Variants in UMODL1 observed in about 807,000 individuals in gnomAD.
UMODL1 encodes uromodulin like 1.
In UMODL1, 128 loss-of-function variants were observed where a neutral mutation model predicts 136.3. That is an observed-to-expected ratio of 0.94 (90% CI 0.81 to 1.09). UMODL1 has a LOEUF of 1.09. Ranked by LOEUF, UMODL1 falls within the 50% of genes least tolerant of loss-of-function variation. The pLI is 0.00. For missense variants in UMODL1, 1,766 were observed against 1,725.6 expected, an observed-to-expected ratio of 1.02 and a Z score of -0.41; for synonymous variants, 721 against 720.0, an observed-to-expected ratio of 1.00 and a Z score of -0.02.
At chr21:42,070,840 G>A (rs2066223272), upstream of UMODL1, among the ~76,000 whole-genome samples, 1 of 152,250 alleles carries the variant, frequency 6.6e-6, no homozygotes, top group African/African-American at 2.4e-5. Context: ...GAAGTGCATT[G>A]TGGAACCGTG....
chr21:42,095,042 G>A (rs1438569295), intron 6 of UMODL1, among the ~76,000 whole-genome samples: 2 of 149,188 alleles, frequency 1.3e-5, no homozygotes, highest in Middle Eastern at 3.6e-3. Context: ...GGTGGCTGCC[G>A]GCATTCCTTG....
In UMODL1 at chr21:42,113,730, G is replaced by C; in HGVS notation, c.2262G>C (p.Val754=). The C allele has an allele frequency of 6.2e-7, 1 of 1,614,102 alleles. No homozygotes were observed. The highest frequency in any genetic ancestry group is 8.5e-7 in the Non-Finnish European group (1 of 1,180,020). ...AVVLETWNTS[V]TLSGLEPGVL... is the part of the protein sequence containing the mutation. Reference sequence around the variant, plus strand: ...TCCTAGAGACCTGGAACACGAGTGTGACACTGTCGGGGCTGGAGCCTGGGG... The same window carrying C: ...TCCTAGAGACCTGGAACACGAGTGTCACACTGTCGGGGCTGGAGCCTGGGG... Residue 754 remains valine, a synonymous_variant, in exon 13 of 23, where the codon GTG becomes GTC. Coordinates refer to ENST00000408910, the MANE Select transcript of UMODL1 (RefSeq NM_001004416.3).
rs753923139 is a variant in UMODL1, at chr21:42,098,934, C to G, written c.940C>G (p.Pro314Ala). ...KLNLEWEDCP[P>A]VSDYVVLNVT... ...TGTCTGTGCTTTCGTAGATTGTCCTCCAGTCAGTGACTACGTGGTCCTCAA... is the reference window on the plus strand; with the variant it reads ...TGTCTGTGCTTTCGTAGATTGTCCTGCAGTCAGTGACTACGTGGTCCTCAA... Residue 314 changes from proline (P) to alanine (A), a missense_variant, in exon 7 of 23, where the codon CCA (proline) becomes GCA (alanine). Physicochemically the swap from Pro to Ala is conservative, Grantham distance 27. Coordinates refer to ENST00000408910, the MANE Select transcript of UMODL1 (RefSeq NM_001004416.3). 6.8e-6 allele frequency: 11 copies of G among 1,614,174 alleles called. No homozygotes were observed. The highest frequency in any genetic ancestry group is 6.7e-5 in the East Asian group (3 of 44,880).
chr21:42,096,841 CA>C (rs1305231005), intron 6 of UMODL1, among the ~76,000 whole-genome samples: 1 of 152,186 alleles, frequency 6.6e-6, no homozygotes, highest in African/African-American at 2.4e-5. Flanking sequence ...CCTGACTGTA[CA>C]AAAATAGAAC....
chr21:42,072,743 GA>G (rs1437954278), intron 1 of UMODL1, among the ~76,000 whole-genome samples: 4 of 152,216 alleles, frequency 2.6e-5, no homozygotes, highest in Non-Finnish European at 4.4e-5. Context: ...AGGGGTTTGT[GA>G]GCCTGGGTGT....
At chr21:42,140,285 G>A (rs2156308) in intron 22 of UMODL1, among the ~76,000 whole-genome samples, 3,139 of 151,558 alleles carry the variant, frequency 0.021, 50 homozygotes, top group Non-Finnish European at 0.028. Flanking sequence ...GGAATCCAGG[G>A]CAGAAAGGGA....
intron 14 of UMODL1, among the ~76,000 whole-genome samples, chr21:42,118,575 T>C (rs73373617): frequency 1.1e-3 from 169 of 152,244 alleles, no homozygotes; most frequent in African/African-American, 3.8e-3. Context: ...CCCCCTGTCC[T>C]AATGGGGAAG....
At chr21:42,076,543 G>T (rs2066293803) in intron 2 of UMODL1, among the ~76,000 whole-genome samples, 1 of 152,158 alleles carries the variant, frequency 6.6e-6, no homozygotes, top group African/African-American at 2.4e-5. Flanking sequence ...TTCTCAGAGG[G>T]CTCCTGGATG....
chr21:42,114,245 T>C (rs1427461049), intron 13 of UMODL1, among the ~76,000 whole-genome samples: 3 of 152,236 alleles, frequency 2.0e-5, no homozygotes, highest in African/African-American at 7.2e-5. Context: ...GTCACATGGA[T>C]GATCTGTGAG....
chr21:42,063,656 C>A (rs2066159424), intron 1 of UMODL1, among the ~76,000 whole-genome samples: 1 of 152,212 alleles, frequency 6.6e-6, no homozygotes, highest in Non-Finnish European at 1.5e-5. Context: ...AGGAATCCCT[C>A]CCTCTAAGAC....
Position 42,119,432 on chromosome 21 carries a change from C to A in UMODL1, c.2689+108C>A, listed in dbSNP as rs1465017692. The A allele has an allele frequency of 3.2e-6, 3 of 930,516 alleles. 1 individual carries two copies. Among genetic ancestry groups the A allele is most frequent in the South Asian group, 3.0e-5 (2 of 67,000 alleles). 57.6% of individuals were successfully genotyped at this position (930,516 alleles called of 1,614,324 possible). A position where few individuals can be genotyped will look rare whatever the true frequency, so the allele number is the denominator to read the frequency against. The stretch of plus-strand genomic sequence containing the variant: ...AGATGTCGTGTTGTGCCCATGTGGT[C>A]CTTCTTCCCCCAGAATTAGATGAAG... On this transcript the variant is annotated intron_variant, in intron 15 of 22. Coordinates refer to ENST00000408910, the MANE Select transcript of UMODL1 (RefSeq NM_001004416.3).
Position 42,090,353 on chromosome 21 carries a change from C to G in UMODL1, c.846C>G (p.Cys282Trp). 12 of 1,614,112 alleles carry G rather than the reference C, an allele frequency of 7.4e-6. 1 individual carries two copies. Among genetic ancestry groups the G allele is most frequent in the Non-Finnish European group, 1.0e-5 (12 of 1,180,030 alleles). The change falls in exon 6 of 23, where the codon TGC (cysteine) becomes TGG (tryptophan). Residue 282 changes from cysteine (C) to tryptophan (W), a missense_variant. Coordinates refer to ENST00000408910, the MANE Select transcript of UMODL1 (RefSeq NM_001004416.3). Reference sequence around the variant, plus strand: ...ATGCCTGCTCTGGAAGGGAACTGTGCGCAAACCTGGAGGGCTCGTACTGGT... The same window carrying G: ...ATGCCTGCTCTGGAAGGGAACTGTGGGCAAACCTGGAGGGCTCGTACTGGT... ...ELNACSGREL[C>W]ANLEGSYWCV...
chr21:42,128,896 C>T (rs998394998), intron 20 of UMODL1, among the ~76,000 whole-genome samples: 2 of 152,180 alleles, frequency 1.3e-5, no homozygotes, highest in Admixed American at 6.5e-5. Flanking sequence ...AACTGAGCGG[C>T]TTAAACAGTG....
rs1334281334 is a variant in UMODL1, at chr21:42,088,490, C to T, written c.790+10C>T. 3 of 1,587,804 alleles carry T rather than the reference C, an allele frequency of 1.9e-6. No individual in the cohort carries two copies. The highest frequency in any genetic ancestry group is 4.5e-5 in the East Asian group (2 of 44,170). On this transcript the variant is annotated intron_variant, in intron 5 of 22. Transcript: ENST00000408910. Reference sequence around the variant, plus strand: ...AGCGTCCAGGTGCAAGGTTGGGCTTCCCTCAATCCTCCCTCTGGGGAGGCT... The same window carrying T: ...AGCGTCCAGGTGCAAGGTTGGGCTTTCCTCAATCCTCCCTCTGGGGAGGCT...
In UMODL1 at chr21:42,099,144, G is replaced by A. The variant is rs200027906; in HGVS notation, c.1150G>A (p.Gly384Arg). The change falls in exon 7 of 23, where the codon GGG (glycine) becomes AGG (arginine). Residue 384 changes from glycine to arginine, a missense_variant. Gly to Arg is a moderately radical substitution (Grantham distance 125). Coordinates refer to ENST00000408910, the MANE Select transcript of UMODL1 (RefSeq NM_001004416.3). The surrounding 1 kb of genome is among the most constrained non-coding windows in gnomAD (Gnocchi z 4.1). ...YRVKTSYQGC[G>R]ADVSTTLTIK... ...GGTGAAGACCAGCTACCAGGGGTGCGGGGCCGACGTCTCCACCACGCTGAC... is the reference window on the plus strand; with the variant it reads ...GGTGAAGACCAGCTACCAGGGGTGCAGGGCCGACGTCTCCACCACGCTGAC... 2.5e-4 allele frequency: 406 copies of A among 1,613,394 alleles called. 1 individual carries two copies. The African/African-American group carries it at 4.5e-3, about 18-fold the overall frequency.
intron 2 of UMODL1, among the ~76,000 whole-genome samples, chr21:42,078,052 G>C (rs2066316149): frequency 6.6e-6 from 1 of 152,200 alleles, no homozygotes; most frequent in Non-Finnish European, 1.5e-5. Flanking sequence ...GGGCCTGATG[G>C]TTTCGGGTGT....
chr21:42,127,327 C>A, intron 19 of UMODL1, 85 bp downstream of exon 19: 1 of 1,287,568 alleles, frequency 7.8e-7, no homozygotes, highest in Non-Finnish European at 1.1e-6. Context: ...TGCAGACATC[C>A]CCATCCAGCA....
chr21:42,106,543 C>T (rs568396508), intron 9 of UMODL1, among the ~76,000 whole-genome samples: 5 of 152,262 alleles, frequency 3.3e-5, no homozygotes, highest in South Asian at 2.1e-4. Flanking sequence ...CTTATCTTTA[C>T]CCTTAGGCCG....
chr21:42,099,146 G>T lies in UMODL1; in HGVS notation c.1152G>T (p.Gly384=), dbSNP rs955342893. 2 of 1,613,278 alleles carry T rather than the reference G, an allele frequency of 1.2e-6. No homozygotes were observed. Among genetic ancestry groups the T allele is most frequent in the Non-Finnish European group, 1.7e-6 (2 of 1,180,026 alleles). The part of the protein sequence containing the change: ...YRVKTSYQGC[G]ADVSTTLTIK... ...TGAAGACCAGCTACCAGGGGTGCGG[G>T]GCCGACGTCTCCACCACGCTGACCA... The change falls in exon 7 of 23, where the codon GGG becomes GGT. Residue 384 remains glycine (G), a synonymous_variant. Coordinates refer to ENST00000408910, the MANE Select transcript of UMODL1 (RefSeq NM_001004416.3). The surrounding 1 kb of genome is among the most constrained non-coding windows in gnomAD (Gnocchi z 4.1).
Sources: allele counts gnomAD v4.1 joint callset (sites outside exome capture counted in the v4.1 genomes callset), GRCh38; gene constraint gnomAD v4.1.1; non-coding constraint Gnocchi (gnomAD v3.1); transcripts MANE v1.5; gene names NCBI Gene and HGNC (gene_info 2026-07-23, HGNC 2026-07-21).